The following SAMD3 variants were observed in gnomAD, a reference collection of about 807,000 sequenced individuals.
SAMD3 encodes the protein sterile alpha motif domain-containing protein 3.
A neutral mutation model predicts 58.5 loss-of-function variants in SAMD3; 63 were observed. That is an observed-to-expected ratio of 1.08 (90% CI 0.88 to 1.33). The LOEUF (loss-of-function observed/expected upper bound fraction) is 1.33, where lower values mean the gene tolerates loss of function less well. Among genes scored for constraint, SAMD3 ranks in the 40% most tolerant of loss-of-function variants. The pLI is 0.00. For missense variants in SAMD3, 604 were observed against 608.4 expected (o/e 0.99, Z 0.08); for synonymous variants, 220 against 210.3 (o/e 1.05, Z -0.40).
intron 9 of SAMD3, among the ~76,000 whole-genome samples, chr6:130,151,075 G>A (rs574005557): frequency 7.2e-5 from 11 of 152,200 alleles, no homozygotes; most frequent in African/African-American, 2.4e-4. Flanking sequence ...CAGGGGATCC[G>A]TGTGTAGACT....
At chr6:130,161,393 A>C (rs1028400356) in intron 8 of SAMD3, 6 of 152,166 alleles carry the variant, frequency 3.9e-5, no homozygotes, top group Non-Finnish European at 8.8e-5. Flanking sequence ...ATAATTGCTG[A>C]TATTGACATT....
intron 1 of SAMD3, among the ~76,000 whole-genome samples, chr6:130,321,271 A>C (rs192167623): frequency 4.2e-4 from 64 of 152,254 alleles, no homozygotes; most frequent in African/African-American, 1.4e-3. Context: ...CAAGAAACTG[A>C]TATCTGTGAT....
chr6:130,203,071 G>C (rs1033028459), intron 5 of SAMD3, among the ~76,000 whole-genome samples: 1 of 152,166 alleles, frequency 6.6e-6, no homozygotes, highest in African/African-American at 2.4e-5. Flanking sequence ...TGAAGCATAT[G>C]CTCCTCTTGT....
At chr6:130,182,072 A>C (rs13191798) in intron 7 of SAMD3, among the ~76,000 whole-genome samples, 11,147 of 43,638 alleles carry the variant, frequency 0.26, 492 homozygotes, top group African/African-American at 0.31. Context: ...CTCAAAAAAA[A>C]AAAAAAAAAA....
chr6:130,231,206 A>G (rs1350136337), intron 2 of SAMD3, among the ~76,000 whole-genome samples: 2 of 152,174 alleles, frequency 1.3e-5, no homozygotes, highest in Non-Finnish European at 2.9e-5. Flanking sequence ...ATTTATATTT[A>G]TTTCGTACTT....
intron 1 of SAMD3, among the ~76,000 whole-genome samples, chr6:130,351,219 A>G (rs201294373): frequency 1.4e-4 from 22 of 152,188 alleles, no homozygotes; most frequent in African/African-American, 4.3e-4. Context: ...AGCCAAAATT[A>G]ACAAATGGGA....
chr6:130,308,732 T>C lies in SAMD3; in HGVS notation c.-188+4246A>G, dbSNP rs140280771. ...TAAATCAGGATGCTGAAACACTTCT[T>C]AGATACTGATTCACAATTGCCATTT... On this transcript the variant is annotated intron_variant, in intron 2 of 13. Coordinates refer to the SAMD3 transcript ENST00000368134. Among the ~76,000 whole-genome samples, 18 of 152,250 alleles carry C rather than the reference T, an allele frequency of 1.2e-4. No individual in the cohort carries two copies. The East Asian group carries it at 3.3e-3, about 28-fold the overall frequency.
intron 2 of SAMD3, among the ~76,000 whole-genome samples, chr6:130,311,189 CT>C (rs1776145229): frequency 6.6e-6 from 1 of 152,130 alleles, no homozygotes. Flanking sequence ...ATAATTGAGC[CT>C]TTTCTATTGT....
At chr6:130,169,240 A>C (rs1243237577) in intron 8 of SAMD3, among the ~76,000 whole-genome samples, 13 of 151,722 alleles carry the variant, frequency 8.6e-5, no homozygotes, top group Middle Eastern at 3.2e-3. Flanking sequence ...ACCCCCCCAC[A>C]CACACACACT....
chr6:130,243,311 C>T (rs1417928143), intron 2 of SAMD3, among the ~76,000 whole-genome samples: 1 of 152,152 alleles, frequency 6.6e-6, no homozygotes, highest in Non-Finnish European at 1.5e-5. Context: ...TCTCTGATCC[C>T]ACCAGACTTT....
intron 1 of SAMD3, among the ~76,000 whole-genome samples, chr6:130,358,854 T>C (rs938406962): frequency 1.6e-4 from 25 of 152,318 alleles, no homozygotes; most frequent in African/African-American, 4.8e-4. Context: ...TCCGTGGATA[T>C]AGATCTTTTG....
chr6:130,338,037 C>T (rs1215110817), intron 1 of SAMD3, among the ~76,000 whole-genome samples: 1 of 152,202 alleles, frequency 6.6e-6, no homozygotes, highest in Non-Finnish European at 1.5e-5. Flanking sequence ...GCAGCCCTTC[C>T]CATCACAGGC....
At chr6:130,306,758 A>G (rs1307090427) in intron 2 of SAMD3, among the ~76,000 whole-genome samples, 1 of 152,218 alleles carries the variant, frequency 6.6e-6, no homozygotes, top group Non-Finnish European at 1.5e-5. Context: ...CAAGATTTAT[A>G]CTAACCTTAT....
In SAMD3 at chr6:130,184,547, AGG is replaced by A; in HGVS notation, c.458_459del (p.Pro153LeufsTer2). 1.2e-6 allele frequency: 2 copies of A among 1,614,142 alleles called. No homozygotes were observed. Among genetic ancestry groups the A allele is most frequent in the Non-Finnish European group, 1.7e-6 (2 of 1,179,958 alleles). On this transcript the variant is annotated frameshift_variant, in exon 6 of 12. Transcript: ENST00000439090. LOFTEE classifies it high-confidence loss of function. ...WTKSYVLPEF[P>X]YDVKCMLAEQ... ...TCTGCTAACATGCATTTGACATCAT[AGG>A]GAAACTCTGGTAAAACATAGGACTT...
chr6:130,210,625 A>G (rs1443308500), intron 4 of SAMD3, among the ~76,000 whole-genome samples: 1 of 151,750 alleles, frequency 6.6e-6, no homozygotes, highest in Non-Finnish European at 1.5e-5. Flanking sequence ...TCAGGTATAA[A>G]CCAAAAATAA....
intron 2 of SAMD3, among the ~76,000 whole-genome samples, chr6:130,272,058 G>T (rs1322366260): frequency 1.3e-5 from 2 of 152,072 alleles, no homozygotes; most frequent in African/African-American, 4.8e-5. Flanking sequence ...ATTTTATTGA[G>T]TTTTATGTTT....
rs1450920230 is a variant in SAMD3, at chr6:130,145,418, C to T, written c.1200G>A (p.Met400Ile). ...HYTDEDMLKYMKMTATCLLLP... is the reference protein window; with the variant it reads ...HYTDEDMLKYIKMTATCLLLP... Reference sequence around the variant, plus strand: ...GGAGTAAACATGTGGCTGTCATCTTCATGTCTGTCAAAGCAAATATGTTAA... The same window carrying T: ...GGAGTAAACATGTGGCTGTCATCTTTATGTCTGTCAAAGCAAATATGTTAA... Residue 400 changes from methionine to isoleucine, a missense_variant, in exon 11 of 12, where the codon ATG becomes ATA. Coordinates refer to ENST00000439090, the MANE Select transcript of SAMD3 (RefSeq NM_001017373.4). 6.2e-7 allele frequency: 1 copy of T among 1,608,282 alleles called. No individual in the cohort carries two copies. The highest frequency in any genetic ancestry group is 1.7e-5 in the Admixed American group (1 of 59,892).
Position 130,214,372 on chromosome 6 carries a change from C to G in SAMD3, c.234G>C (p.Lys78Asn), listed in dbSNP as rs1366326490. 3 of 1,608,006 alleles carry G rather than the reference C, an allele frequency of 1.9e-6. No individual in the cohort carries two copies. The highest frequency in any genetic ancestry group is 1.7e-6 in the Non-Finnish European group (2 of 1,177,464). The change falls in exon 4 of 12, where the codon AAG becomes AAC. Residue 78 changes from lysine to asparagine, a missense_variant. Lys to Asn is a moderately conservative substitution (Grantham distance 94). Transcript: ENST00000439090. The stretch of plus-strand genomic sequence containing the variant: ...CTTCTGTTTGCATGACCAGGGCTGC[C>G]TTTTTGGGGTTTTCTGGGGACTTCA... ...QGLKSPENPKKAALVMQTEAA... is the reference protein window; with the variant it reads ...QGLKSPENPKNAALVMQTEAA...
intron 1 of SAMD3, among the ~76,000 whole-genome samples, chr6:130,352,431 C>G (rs903608788): frequency 6.6e-6 from 1 of 152,068 alleles, no homozygotes; most frequent in Non-Finnish European, 1.5e-5. Context: ...TACGACTTTT[C>G]TTACTATCAA....
Sources: allele counts gnomAD v4.1 joint callset (sites outside exome capture counted in the v4.1 genomes callset), GRCh38; gene constraint gnomAD v4.1.1; transcripts MANE v1.5; gene names NCBI Gene and HGNC (gene_info 2026-07-23, HGNC 2026-07-21).